The following TDRD12 variants were observed in gnomAD, a reference collection of about 807,000 sequenced individuals.
TDRD12 encodes the protein putative ATP-dependent RNA helicase TDRD12.
In TDRD12, 158 loss-of-function variants were observed where a neutral mutation model predicts 133.5. That is an observed-to-expected ratio of 1.18 (90% CI 1.04 to 1.35). The LOEUF (loss-of-function observed/expected upper bound fraction) is 1.35, where lower values mean the gene tolerates loss of function less well. Ranked by LOEUF, TDRD12 falls within the 40% of genes most tolerant of loss-of-function variation. The pLI, the probability that TDRD12 is intolerant of heterozygous loss-of-function variation, is 0.00. For synonymous variants in TDRD12, 460 were observed against 477.9 expected, an observed-to-expected ratio of 0.96 and a Z score of 0.49; for missense variants, 1,443 against 1,321.3, an observed-to-expected ratio of 1.09 and a Z score of -1.43.
At position 32,742,697 on chromosome 19, in the gene TDRD12, G is replaced by A. The variant is rs113496313; in HGVS notation, c.321-84G>A. On this transcript the variant is annotated intron_variant, in intron 3 of 27. Transcript: ENST00000444215. ...TTGTGTGTTTTGTTTTACATTAAGT[G>A]TATTAATAAAATAGGTATACTTTAA... 9.4e-5 allele frequency: 124 copies of A among 1,320,150 alleles called. 1 individual carries two copies. The African/African-American group carries it at 1.6e-3, about 17-fold the overall frequency. 81.8% of individuals were successfully genotyped at this position (1,320,150 alleles called of 1,614,324 possible). A position where few individuals can be genotyped will look rare whatever the true frequency, so the allele number is the denominator to read the frequency against.
At chr19:32,817,945 A>G (rs1476502296) in intron 26 of TDRD12, 144 bp from the exon 27 acceptor site, 2 of 653,630 alleles carry the variant, frequency 3.1e-6, no homozygotes. Context: ...AGGGCCTGGT[A>G]GCTTTAGAAG....
chr19:32,822,806 G>A (rs1056207123), downstream of TDRD12, among the ~76,000 whole-genome samples: 1 of 152,044 alleles, frequency 6.6e-6, no homozygotes, highest in Non-Finnish European at 1.5e-5. Flanking sequence ...AATTCAGTGA[G>A]GGAGAAGGAA....
At chr19:32,820,889 T>C in intron 27 of TDRD12, 144 bp from the exon 28 acceptor site, 1 of 621,762 alleles carries the variant, frequency 1.6e-6, no homozygotes, top group South Asian at 2.0e-5. Flanking sequence ...ATGGGCTGCC[T>C]GGGGCATCTT....
At chr19:32,734,533 G>A (rs1005195758) in intron 2 of TDRD12, among the ~76,000 whole-genome samples, 1 of 150,564 alleles carries the variant, frequency 6.6e-6, no homozygotes, top group African/African-American at 2.5e-5. Flanking sequence ...ACCACACCTG[G>A]CTAATTTTTT....
At chr19:32,781,471 C>T (rs564804612) in intron 11 of TDRD12, among the ~76,000 whole-genome samples, 1 of 152,244 alleles carries the variant, frequency 6.6e-6, no homozygotes, top group South Asian at 2.1e-4. Flanking sequence ...TGGTTTACTC[C>T]CTTGTTTTGG....
intron 21 of TDRD12, among the ~76,000 whole-genome samples, chr19:32,803,603 A>C (rs768101235): frequency 6.6e-6 from 1 of 152,072 alleles, no homozygotes; most frequent in Non-Finnish European, 1.5e-5. Flanking sequence ...ATGTGTACGC[A>C]TTTCTCTTGG....
chr19:32,823,768 A>G (rs757573901), downstream of TDRD12, among the ~76,000 whole-genome samples: 1 of 152,256 alleles, frequency 6.6e-6, no homozygotes, highest in Non-Finnish European at 1.5e-5. Flanking sequence ...TTGGGACAAC[A>G]GTTGTCATTA....
chr19:32,813,707 A>G (rs1322167546), exon 25 of TDRD12: 1 of 1,534,312 alleles, frequency 6.5e-7, no homozygotes, highest in Non-Finnish European at 8.7e-7. Context: ...TTCATCATAA[A>G]ATTGTTGGAA....
At chr19:32,755,497 A>G (rs551054836) in intron 6 of TDRD12, among the ~76,000 whole-genome samples, 3 of 152,236 alleles carry the variant, frequency 2.0e-5, no homozygotes, top group East Asian at 3.8e-4. Context: ...TGAAGCAGAC[A>G]TTCAGATTGT....
At chr19:32,819,314 CA>C (rs57431026) in intron 27 of TDRD12, among the ~76,000 whole-genome samples, 303 of 134,956 alleles carry the variant, frequency 2.2e-3, no homozygotes, top group Non-Finnish European at 2.6e-3. Flanking sequence ...GACCTTGTCT[CA>C]AAAAAAAAAA....
In TDRD12 at chr19:32,777,234, G is replaced by T; in HGVS notation, c.1121+5G>T. On this transcript the variant is annotated splice_donor_5th_base_variant and intron_variant, in intron 11 of 27. Transcript: ENST00000444215. ...TGAGAAGAATAGCTGTGTGAAGTAA[G>T]AATTTTTTCCTTGGCCTGAATTGTG... 2 of 1,505,538 alleles carry T rather than the reference G, an allele frequency of 1.3e-6. No individual in the cohort carries two copies. Among genetic ancestry groups the T allele is most frequent in the Non-Finnish European group, 1.8e-6 (2 of 1,123,510 alleles). 93.3% of individuals were successfully genotyped at this position (1,505,538 alleles called of 1,614,324 possible). A position where few individuals can be genotyped will look rare whatever the true frequency, so the allele number is the denominator to read the frequency against.
intron 26 of TDRD12, among the ~76,000 whole-genome samples, chr19:32,816,195 T>C (rs1351656434): frequency 6.6e-6 from 1 of 152,154 alleles, no homozygotes. Flanking sequence ...GTTAACTTTT[T>C]CTTGACAAAT....
exon 1 of TDRD12, chr19:32,719,885 G>A (rs1042675513): frequency 9.1e-6 from 6 of 662,470 alleles, no homozygotes; most frequent in Admixed American, 5.3e-5. Flanking sequence ...AGCCGACCCC[G>A]GGGTCCGCGA....
At chr19:32,802,701 C>G in exon 20 of TDRD12, 1 of 1,536,182 alleles carries the variant, frequency 6.5e-7, no homozygotes, top group Non-Finnish European at 8.7e-7. Flanking sequence ...ACCGATGCCA[C>G]GTGTGTGATT....
At chr19:32,813,923 ATT>A (rs1967090775) in intron 25 of TDRD12, 147 bp downstream of exon 25, 2 of 611,908 alleles carry the variant, frequency 3.3e-6, no homozygotes, top group Admixed American at 3.0e-5. Flanking sequence ...TTTTCATGTT[ATT>A]GGGTCATGAA....
At chr19:32,792,959 G>A (rs577472535) in intron 13 of TDRD12, among the ~76,000 whole-genome samples, 17 of 152,264 alleles carry the variant, frequency 1.1e-4, no homozygotes, top group Middle Eastern at 3.4e-3. Context: ...AGGCTGAGGC[G>A]CAGATTGCCT....
intron 2 of TDRD12, among the ~76,000 whole-genome samples, chr19:32,735,466 C>T (rs80241537): frequency 0.019 from 2,862 of 152,204 alleles, 64 homozygotes; most frequent in South Asian, 0.1. Context: ...GTGAAGCTAG[C>T]GGAGGTTGGT....
intron 7 of TDRD12, among the ~76,000 whole-genome samples, chr19:32,756,590 A>G (rs945440360): frequency 6.6e-6 from 1 of 152,056 alleles, no homozygotes; most frequent in Non-Finnish European, 1.5e-5. Context: ...GGGTTTCACC[A>G]TGTCAGCCAG....
chr19:32,796,550 A>C (rs1363697125), intron 14 of TDRD12, among the ~76,000 whole-genome samples: 2 of 151,330 alleles, frequency 1.3e-5, no homozygotes, highest in Non-Finnish European at 2.9e-5. Flanking sequence ...GCACCATTGC[A>C]CTCCAGCCTG....
Sources: allele counts gnomAD v4.1 joint callset (sites outside exome capture counted in the v4.1 genomes callset), GRCh38; gene constraint gnomAD v4.1.1; transcripts MANE v1.5; gene names NCBI Gene and HGNC (gene_info 2026-07-23, HGNC 2026-07-21).